The following SAMD3 variants were observed in gnomAD, a reference collection of about 807,000 sequenced individuals.
SAMD3 encodes the protein sterile alpha motif domain-containing protein 3.
SAMD3 carries 63 observed loss-of-function variants against 58.5 expected under a neutral mutation model. That is an observed-to-expected ratio of 1.08 (90% CI 0.88 to 1.33). The LOEUF (loss-of-function observed/expected upper bound fraction) is 1.33, where lower values mean the gene tolerates loss of function less well. Among genes scored for constraint, SAMD3 ranks in the 40% most tolerant of loss-of-function variants. SAMD3 has a pLI of 0.00. For synonymous variants in SAMD3, 220 were observed against 210.3 expected (o/e 1.05, Z -0.40); for missense variants, 604 against 608.4 (o/e 0.99, Z 0.08).
At chr6:130,251,664 C>T (rs1426861673) in intron 2 of SAMD3, among the ~76,000 whole-genome samples, 8 of 152,090 alleles carry the variant, frequency 5.3e-5, no homozygotes, top group Non-Finnish European at 1.2e-4. Context: ...CATACTTGTC[C>T]AAAATCACTT....
chr6:130,344,796 G>A (rs1185520280), intron 1 of SAMD3, among the ~76,000 whole-genome samples: 1 of 121,532 alleles, frequency 8.2e-6, no homozygotes. Context: ...TAGAAGTGAA[G>A]GGAAAGGAAG....
At position 130,144,788 on chromosome 6, in the gene SAMD3, GGT is replaced by G; in HGVS notation, c.1293_1294del (p.Pro432CysfsTer5). 1 of 1,612,318 alleles carries G rather than the reference GGT, an allele frequency of 6.2e-7. No homozygotes were observed. Among genetic ancestry groups the G allele is most frequent in the Non-Finnish European group, 8.5e-7 (1 of 1,179,350 alleles). On this transcript the variant is annotated frameshift_variant, in exon 12 of 12. Transcript: ENST00000439090. LOFTEE classifies it high-confidence loss of function. ...GAAAGGGTTTTTAACTTCCAACACA[GGT>G]GTGGACACTTGCACCTGAAAAAAAG...
Position 130,231,421 on chromosome 6 carries a change from A to C in SAMD3, c.-187-8608T>G, listed in dbSNP as rs542824340. Among the ~76,000 whole-genome samples, 32 of 151,798 alleles carry C rather than the reference A, an allele frequency of 2.1e-4. 1 individual carries two copies. The highest frequency in any genetic ancestry group is 1.9e-3 in the Admixed American group (29 of 15,218). ...TCTACTAAAAATAGAAAACTTAGCC[A>C]GGGGTGGCGATGGATGCCTGTAATC... On this transcript the variant is annotated intron_variant, in intron 2 of 13. Transcript: ENST00000368134.
At chr6:130,173,577 G>C (rs1025660648) in intron 8 of SAMD3, among the ~76,000 whole-genome samples, 2 of 152,228 alleles carry the variant, frequency 1.3e-5, no homozygotes, top group South Asian at 2.1e-4. Flanking sequence ...GCACTGGCCA[G>C]ATGCCAGCCA....
intron 9 of SAMD3, among the ~76,000 whole-genome samples, chr6:130,147,732 TAAC>T (rs1243186504): frequency 6.6e-6 from 1 of 152,202 alleles, no homozygotes; most frequent in Non-Finnish European, 1.5e-5. Context: ...GTCATATTCT[TAAC>T]AGGCCCAGGA....
At chr6:130,205,292 A>T (rs867241405) in intron 5 of SAMD3, among the ~76,000 whole-genome samples, 18 of 150,966 alleles carry the variant, frequency 1.2e-4, no homozygotes, top group East Asian at 7.7e-4. Flanking sequence ...CTATTTTATT[A>T]TATTTTATTT....
rs28614013 is a variant in SAMD3, at chr6:130,286,769, C to A, written c.-188+26209G>T. ...CTCTGTCGCCCAGGCTGGAGTGCAG[C>A]GGTAAGATCTCTGCTCATTGCAACC... On this transcript the variant is annotated intron_variant, in intron 2 of 13. Transcript: ENST00000368134. 3.9e-3 allele frequency among the ~76,000 whole-genome samples: 599 copies of A among 152,040 alleles called. 5 individuals are homozygous for A. The highest frequency in any genetic ancestry group is 0.013 in the African/African-American group (535 of 41,454).
intron 8 of SAMD3, among the ~76,000 whole-genome samples, chr6:130,159,012 T>C (rs1790047679): frequency 6.6e-6 from 1 of 152,172 alleles, no homozygotes; most frequent in African/African-American, 2.4e-5. Context: ...AAATGAAGAC[T>C]AGGCCTGCTA....
intron 5 of SAMD3, among the ~76,000 whole-genome samples, chr6:130,205,662 T>C (rs537727792): frequency 3.9e-5 from 6 of 152,266 alleles, no homozygotes; most frequent in African/African-American, 7.2e-5. Flanking sequence ...AAGCTAAATG[T>C]TGGGTTTACA....
chr6:130,293,771 C>T (rs1199176731), intron 2 of SAMD3, among the ~76,000 whole-genome samples: 1 of 151,688 alleles, frequency 6.6e-6, no homozygotes, highest in African/African-American at 2.4e-5. Flanking sequence ...CTCCACACCA[C>T]TTTATGCTGA....
At position 130,253,416 on chromosome 6, in the gene SAMD3, A is replaced by G. The variant is rs180832467; in HGVS notation, c.-187-30603T>C. Among the ~76,000 whole-genome samples, 482 of 152,238 alleles carry G rather than the reference A, an allele frequency of 3.2e-3. 5 individuals carry two copies. The highest frequency in any genetic ancestry group is 0.011 in the African/African-American group (452 of 41,544). On this transcript the variant is annotated intron_variant, in intron 2 of 13. Coordinates refer to the SAMD3 transcript ENST00000368134. The stretch of plus-strand genomic sequence containing the variant: ...ATTCTTTTTCAATAGATGAGCTTAC[A>G]TTTATTGATATGATAATATCTTTAA...
At position 130,184,492 on chromosome 6, in the gene SAMD3, A is replaced by T; in HGVS notation, c.515T>A (p.Ile172Lys). The change falls in exon 6 of 12, where the codon ATA (isoleucine) becomes AAA (lysine). Residue 172 changes from isoleucine to lysine, a missense_variant. Coordinates refer to ENST00000439090, the MANE Select transcript of SAMD3 (RefSeq NM_001017373.4). ...GGCCTGGAGAAACTCAATGATCCTT[A>T]TCCTCATGCTGTGATCCGGGCACTT... ...EQKCPDHSMRIRIIEFLQADM... is the reference protein window; with the variant it reads ...EQKCPDHSMRKRIIEFLQADM... 6.2e-7 allele frequency: 1 copy of T among 1,614,128 alleles called. No individual in the cohort carries two copies. The highest frequency in any genetic ancestry group is 1.7e-5 in the Admixed American group (1 of 60,022).
chr6:130,294,301 C>T (rs559097749), intron 2 of SAMD3, among the ~76,000 whole-genome samples: 12 of 152,184 alleles, frequency 7.9e-5, no homozygotes, highest in South Asian at 2.1e-4. Context: ...AGCCTAAAAT[C>T]TACACAACTC....
chr6:130,312,046 T>G (rs2114989535), intron 2 of SAMD3, among the ~76,000 whole-genome samples: 1 of 152,228 alleles, frequency 6.6e-6, no homozygotes, highest in East Asian at 1.9e-4. Flanking sequence ...AGAAACAGTA[T>G]GAGAAAGAGG....
downstream of SAMD3, chr6:130,143,732 TTAAAC>T (rs1788387433): frequency 6.6e-6 from 1 of 152,208 alleles, no homozygotes; most frequent in Admixed American, 6.5e-5. Context: ...AAGGGGCACC[TTAAAC>T]TATAGTTCTT....
At chr6:130,318,612 A>G (rs9483108) in intron 1 of SAMD3, among the ~76,000 whole-genome samples, 64,526 of 151,776 alleles carry the variant, frequency 0.43, 15,331 homozygotes, top group African/African-American at 0.64. Context: ...TATTTTTAGT[A>G]GTGATGGGGT....
chr6:130,275,160 TG>T (rs1360110623), intron 2 of SAMD3, among the ~76,000 whole-genome samples: 2 of 152,180 alleles, frequency 1.3e-5, no homozygotes, highest in Non-Finnish European at 1.5e-5. Context: ...TTTGATTCCT[TG>T]TGGTGTCATT....
rs1396142132 is a variant in SAMD3 at position 130,199,573 on chromosome 6, G to A, written c.383+9922C>T. Among the ~76,000 whole-genome samples the A allele has an allele frequency of 3.9e-5, 6 of 152,190 alleles. No individual in the cohort carries two copies. The East Asian group carries it at 1.2e-3, about 29-fold the overall frequency. ...AAACTACAAGTGAATCAGAAATTCT[G>A]CTTCTGAGTTAATTATGCCAGTAAC... is the stretch of plus-strand genomic sequence containing the variant. On this transcript the variant is annotated intron_variant, in intron 5 of 11. Coordinates refer to ENST00000439090, the MANE Select transcript of SAMD3 (RefSeq NM_001017373.4).
At chr6:130,355,646 T>C (rs1157563334) in intron 1 of SAMD3, among the ~76,000 whole-genome samples, 1 of 152,136 alleles carries the variant, frequency 6.6e-6, no homozygotes, top group Non-Finnish European at 1.5e-5. Context: ...AGAAAAATGC[T>C]AAACCCACCA....
Sources: gnomAD v4.1 joint callset for allele counts (sites outside exome capture counted in the v4.1 genomes callset) on GRCh38, gnomAD v4.1.1 for gene constraint, MANE v1.5 for transcripts, NCBI Gene and HGNC (gene_info 2026-07-23, HGNC 2026-07-21) for gene names.